The following NCAM2 variants were observed in gnomAD, a reference collection of about 807,000 sequenced individuals.
NCAM2 encodes the protein neural cell adhesion molecule 2, also known as N-CAM-2.
In NCAM2, 30 loss-of-function variants were observed where a neutral mutation model predicts 98.1. That is an observed-to-expected ratio of 0.31 (90% CI 0.23 to 0.41). The LOEUF (loss-of-function observed/expected upper bound fraction) is 0.41, where lower values mean the gene tolerates loss of function less well. Among genes scored for constraint, NCAM2 ranks in the 10% least tolerant of loss-of-function variants. The pLI, the probability that NCAM2 is intolerant of heterozygous loss-of-function variation, is 1.00. For missense variants in NCAM2, 867 were observed against 1,005.8 expected, an observed-to-expected ratio of 0.86 and a Z score of 1.87; for synonymous variants, 368 against 342.4, an observed-to-expected ratio of 1.07 and a Z score of -0.83.
chr21:21,286,232 TTTGTG>T, intron 3 of NCAM2, 32 bp from the exon 4 acceptor site: 1 of 1,391,394 alleles, frequency 7.2e-7, no homozygotes, highest in Non-Finnish European at 9.4e-7. Flanking sequence ...ACTTTTGTGA[TTTGTG>T]ATTTGTGATT....
At chr21:21,188,405 A>T (rs1322173400) in intron 1 of NCAM2, among the ~76,000 whole-genome samples, 2 of 152,188 alleles carry the variant, frequency 1.3e-5, no homozygotes, top group African/African-American at 4.8e-5. Context: ...TATCCGTGAA[A>T]GTTATTTAAT....
intron 2 of NCAM2, 116 bp from the exon 3 acceptor site, chr21:21,284,078 T>G: frequency 3.2e-6 from 2 of 629,142 alleles, no homozygotes; most frequent in Non-Finnish European, 5.0e-6. Context: ...AGATTTCCAG[T>G]CTGTTACATA....
intron 1 of NCAM2, among the ~76,000 whole-genome samples, chr21:21,044,368 A>C (rs2064967759): frequency 6.6e-6 from 1 of 152,186 alleles, no homozygotes; most frequent in African/African-American, 2.4e-5. Flanking sequence ...AGACTGTGGA[A>C]GATCTTGAAG....
intron 9 of NCAM2, among the ~76,000 whole-genome samples, chr21:21,403,454 ATCTT>A (rs569487746): frequency 1.5e-3 from 231 of 152,280 alleles, no homozygotes; most frequent in African/African-American, 4.9e-3. Context: ...CAGATGGAAA[ATCTT>A]TAAGATTAAG....
chr21:21,425,040 CAAAAAAAAAAAAA>C lies in NCAM2; in HGVS notation c.1480+6487_1480+6499del, dbSNP rs1192128472. Among the ~76,000 whole-genome samples, 61 of 43,850 alleles carry C rather than the reference CAAAAAAAAAAAAA, an allele frequency of 1.4e-3. 1 individual carries two copies. Among genetic ancestry groups the C allele is most frequent in the South Asian group, 8.2e-3 (7 of 856 alleles). 28.8% of individuals were successfully genotyped at this position (43,850 alleles called of 152,430 possible). On this transcript the variant is annotated intron_variant, in intron 11 of 17. Transcript: ENST00000400546. The stretch of plus-strand genomic sequence containing the variant: ...GACAAAAGCGGGACTCTTCCTCCTC[CAAAAAAAAAAAAA>C]AAAAAAAAAAAAAAATTCATCATGT...
chr21:21,237,165 G>A lies in NCAM2; in HGVS notation c.56-43413G>A, dbSNP rs138277411. Among the ~76,000 whole-genome samples, 10 of 152,096 alleles carry A rather than the reference G, an allele frequency of 6.6e-5. No homozygotes were observed. The East Asian group carries it at 1.5e-3, about 24-fold the overall frequency. On this transcript the variant is annotated intron_variant, in intron 1 of 17. Transcript: ENST00000400546. ...GAACAGAAAGAATACAAATATAATC[G>A]GCATGACTACCTAATTCCATAATCC...
At chr21:21,081,769 C>G (rs2065805125) in intron 1 of NCAM2, among the ~76,000 whole-genome samples, 1 of 151,768 alleles carries the variant, frequency 6.6e-6, no homozygotes, top group Non-Finnish European at 1.5e-5. Flanking sequence ...CCACTGCACT[C>G]CAGCCAGGGT....
chr21:21,079,149 A>G (rs562188596), intron 1 of NCAM2, among the ~76,000 whole-genome samples: 4 of 152,210 alleles, frequency 2.6e-5, no homozygotes, highest in African/African-American at 4.8e-5. Flanking sequence ...AGGTATATCT[A>G]TGTAACAAAC....
At chr21:21,058,911 G>T (rs1486655254) in intron 1 of NCAM2, among the ~76,000 whole-genome samples, 4 of 151,942 alleles carry the variant, frequency 2.6e-5, no homozygotes, top group Non-Finnish European at 4.4e-5. Flanking sequence ...ACATTCTAGT[G>T]CTTTTTTCGA....
At chr21:21,205,785 G>T (rs567520702) in intron 1 of NCAM2, among the ~76,000 whole-genome samples, 8 of 152,234 alleles carry the variant, frequency 5.3e-5, no homozygotes, top group Non-Finnish European at 1.0e-4. Flanking sequence ...CAAAGTCCAA[G>T]ATTAGGTGTC....
At chr21:21,096,485 A>G (rs1569018814) in intron 1 of NCAM2, among the ~76,000 whole-genome samples, 1 of 151,776 alleles carries the variant, frequency 6.6e-6, no homozygotes, top group African/African-American at 2.4e-5. Flanking sequence ...TAGAAAGATA[A>G]AAAACAAATA....
intron 1 of NCAM2, among the ~76,000 whole-genome samples, chr21:21,028,448 T>C (rs1303475560): frequency 6.6e-6 from 1 of 152,252 alleles, no homozygotes; most frequent in Non-Finnish European, 1.5e-5. Flanking sequence ...AACACAGTGA[T>C]TCACACTTCA....
intron 16 of NCAM2, among the ~76,000 whole-genome samples, chr21:21,533,156 T>G (rs1000389704): frequency 4.1e-5 from 6 of 145,312 alleles, no homozygotes; most frequent in African/African-American, 1.6e-4. Context: ...GTAGATTTGT[T>G]GTTTGCTTGC....
chr21:21,433,312 G>A (rs184573101), intron 12 of NCAM2, among the ~76,000 whole-genome samples: 1 of 152,200 alleles, frequency 6.6e-6, no homozygotes, highest in East Asian at 1.9e-4. Flanking sequence ...GTGTGGTTTA[G>A]GAGAGATTTA....
intron 1 of NCAM2, among the ~76,000 whole-genome samples, chr21:21,197,255 G>A (rs1483820849): frequency 6.6e-6 from 1 of 152,130 alleles, no homozygotes; most frequent in Non-Finnish European, 1.5e-5. Context: ...TCAGCCTCCT[G>A]AGTAGCTGGG....
intron 1 of NCAM2, among the ~76,000 whole-genome samples, chr21:21,248,955 A>C (rs556547007): frequency 2.6e-5 from 4 of 152,122 alleles, no homozygotes; most frequent in Non-Finnish European, 5.9e-5. Context: ...ATAAATGTCC[A>C]GGTATCTGCT....
chr21:21,178,634 T>C lies in NCAM2; in HGVS notation c.56-101944T>C, dbSNP rs1384965525. ...TGCTTACTAACTTCATAGTCCAAGATCTCCATATCTGTATTTTTAATGTAT... is the reference window on the plus strand; with the variant it reads ...TGCTTACTAACTTCATAGTCCAAGACCTCCATATCTGTATTTTTAATGTAT... On this transcript the variant is annotated intron_variant, in intron 1 of 17. Coordinates refer to ENST00000400546, the MANE Select transcript of NCAM2 (RefSeq NM_004540.5). Among the ~76,000 whole-genome samples, 3 of 151,988 alleles carry C rather than the reference T, an allele frequency of 2.0e-5. No homozygotes were observed. In the East Asian group the frequency reaches 5.8e-4, roughly 29 times the overall value.
rs1396176242 is a variant in NCAM2, at chr21:21,202,708, G to A, written c.56-77870G>A. ...TGGGATTACAGGCGTGAGCCACTGT[G>A]CCGGGCCCATGCTTTGTTTTTATGC... On this transcript the variant is annotated intron_variant, in intron 1 of 17. Transcript: ENST00000400546. Among the ~76,000 whole-genome samples the A allele has an allele frequency of 2.0e-5, 3 of 152,086 alleles. No individual in the cohort carries two copies. The East Asian group carries it at 5.8e-4, about 29-fold the overall frequency.
intron 1 of NCAM2, among the ~76,000 whole-genome samples, chr21:21,080,265 A>G (rs2065764867): frequency 6.6e-6 from 1 of 152,172 alleles, no homozygotes; most frequent in Admixed American, 6.5e-5. Context: ...AGCTATTATA[A>G]ACAGATAAAA....
Sources: gnomAD v4.1 joint callset for allele counts (sites outside exome capture counted in the v4.1 genomes callset) on GRCh38, gnomAD v4.1.1 for gene constraint, MANE v1.5 for transcripts, NCBI Gene and HGNC (gene_info 2026-07-23, HGNC 2026-07-21) for gene names.